The following EYS variants were observed in gnomAD, a reference collection of about 807,000 sequenced individuals.
The protein encoded by EYS is protein eyes shut homolog.
A neutral mutation model predicts 282.1 loss-of-function variants in EYS; 250 were observed. That is an observed-to-expected ratio of 0.89 (90% CI 0.80 to 0.98). The LOEUF (loss-of-function observed/expected upper bound fraction) is 0.98. Ranked by LOEUF, EYS falls within the 50% of genes least tolerant of loss-of-function variation. The pLI is 0.00. For missense variants in EYS, 4,016 were observed against 3,709.0 expected, an observed-to-expected ratio of 1.08 and a Z score of -2.15; for synonymous variants, 1,355 against 1,282.9, an observed-to-expected ratio of 1.06 and a Z score of -1.20.
At chr6:64,876,430 T>C (rs189957300) in intron 19 of EYS, among the ~76,000 whole-genome samples, 213 of 152,262 alleles carry the variant, frequency 1.4e-3, no homozygotes, top group African/African-American at 4.9e-3. Context: ...TTAAATTGTA[T>C]ACAATTAAAA....
chr6:64,813,739 G>GT (rs978076916), intron 21 of EYS, among the ~76,000 whole-genome samples, 162 bp from the exon 22 acceptor site: 105 of 151,998 alleles, frequency 6.9e-4, no homozygotes, highest in African/African-American at 2.5e-3. Context: ...ACAGTAAGCG[G>GT]TTTTTTACCT....
intron 36 of EYS, among the ~76,000 whole-genome samples, chr6:63,833,887 G>T (rs1355490299): frequency 6.6e-6 from 1 of 152,108 alleles, no homozygotes; most frequent in Non-Finnish European, 1.5e-5. Flanking sequence ...ACAGAACAGA[G>T]CCCTCGGAAA....
chr6:65,074,095 A>G (rs946179120), intron 12 of EYS, among the ~76,000 whole-genome samples: 3 of 152,034 alleles, frequency 2.0e-5, no homozygotes, highest in Admixed American at 6.6e-5. Context: ...GATAGTATTT[A>G]TTTTGTGTGG....
At chr6:65,162,911 T>TTGTGTGTGTGTGTG (rs3036015) in intron 12 of EYS, among the ~76,000 whole-genome samples, 7 of 147,288 alleles carry the variant, frequency 4.8e-5, no homozygotes, top group East Asian at 2.0e-4. Flanking sequence ...CCTGTTCTGT[T>TTGTGTGTGTGTGTG]TGTGTGTGTG....
At chr6:65,054,035 A>T (rs964030510) in intron 13 of EYS, among the ~76,000 whole-genome samples, 4 of 152,008 alleles carry the variant, frequency 2.6e-5, no homozygotes, top group Admixed American at 2.0e-4. Flanking sequence ...AATAGAAATT[A>T]TTTGAGCTTT....
chr6:64,077,118 C>A (rs1771800112), intron 32 of EYS, among the ~76,000 whole-genome samples: 1 of 151,938 alleles, frequency 6.6e-6, no homozygotes, highest in Admixed American at 6.6e-5. Context: ...TCCATGTTTG[C>A]AACTTACTCT....
At chr6:63,807,423 T>A (rs948708736) in intron 36 of EYS, among the ~76,000 whole-genome samples, 10 of 152,226 alleles carry the variant, frequency 6.6e-5, no homozygotes, top group Non-Finnish European at 1.3e-4. Flanking sequence ...GAGCTTCTTA[T>A]GTCTGTTTAT....
chr6:64,071,721 T>C (rs1022914958), intron 32 of EYS, among the ~76,000 whole-genome samples: 1 of 148,372 alleles, frequency 6.7e-6, no homozygotes, highest in Non-Finnish European at 1.5e-5. Context: ...ATATACCCTT[T>C]TAAAAATTAT....
intron 13 of EYS, among the ~76,000 whole-genome samples, chr6:65,035,819 G>T (rs1213697878): frequency 6.6e-6 from 1 of 150,476 alleles, no homozygotes; most frequent in Non-Finnish European, 1.5e-5. Flanking sequence ...AATTGCTTTG[G>T]CTATCCAGGC....
chr6:64,451,174 G>T (rs532035357), intron 26 of EYS, among the ~76,000 whole-genome samples: 123 of 152,152 alleles, frequency 8.1e-4, no homozygotes, highest in African/African-American at 2.9e-3. Context: ...TGACAAAGGG[G>T]ATATCACCAC....
chr6:64,259,461 A>G lies in EYS; in HGVS notation c.6192-28637T>C, dbSNP rs1458148473. Among the ~76,000 whole-genome samples the G allele has an allele frequency of 2.6e-5, 4 of 152,038 alleles. No homozygotes were observed. The East Asian group carries it at 7.8e-4, about 29-fold the overall frequency. Reference sequence around the variant, plus strand: ...CCTCTTGCCAGATTCACAACCCAAGAATATCTTTTTCAAGGATTTAAGAGC... The same window carrying G: ...CCTCTTGCCAGATTCACAACCCAAGGATATCTTTTTCAAGGATTTAAGAGC... On this transcript the variant is annotated intron_variant, in intron 30 of 42. Transcript: ENST00000503581.
chr6:64,990,471 T>G (rs1771027149), intron 14 of EYS, among the ~76,000 whole-genome samples: 1 of 151,656 alleles, frequency 6.6e-6, no homozygotes, highest in South Asian at 2.1e-4. Context: ...AGTGCAGTGT[T>G]TGTTTTGAAA....
intron 31 of EYS, among the ~76,000 whole-genome samples, chr6:64,147,164 C>T (rs967829469): frequency 6.6e-6 from 1 of 152,106 alleles, no homozygotes; most frequent in Non-Finnish European, 1.5e-5. Flanking sequence ...TGGTCAAGTA[C>T]TTTGCTATTC....
intron 15 of EYS, among the ~76,000 whole-genome samples, chr6:64,936,788 TA>T (rs1768920236): frequency 6.6e-6 from 1 of 151,414 alleles, no homozygotes; most frequent in Non-Finnish European, 1.5e-5. Flanking sequence ...AAATCTCTAT[TA>T]AAGTTATGGC....
intron 5 of EYS, among the ~76,000 whole-genome samples, chr6:65,446,456 G>A (rs192585962): frequency 6.6e-6 from 1 of 151,904 alleles, no homozygotes; most frequent in Non-Finnish European, 1.5e-5. Flanking sequence ...TTGATTTGAA[G>A]AGGTACAATC....
In EYS at chr6:64,022,291, AAG is replaced by A. The variant is rs1769228282; in HGVS notation, c.6726-23110_6726-23109del. Reference sequence around the variant, plus strand: ...TTTTCATCAAAACCTGAGAATAAATAAGAGGTGGACACACAATATAATATTTT... The same window carrying A: ...TTTTCATCAAAACCTGAGAATAAATAAGGTGGACACACAATATAATATTTT... On this transcript the variant is annotated intron_variant, in intron 33 of 42. Transcript: ENST00000503581. Among the ~76,000 whole-genome samples, 4 of 152,354 alleles carry A rather than the reference AAG, an allele frequency of 2.6e-5. No homozygotes were observed. The South Asian group carries it at 8.3e-4, about 32-fold the overall frequency.
At chr6:64,117,466 A>G (rs141404703) in intron 31 of EYS, among the ~76,000 whole-genome samples, 50 of 151,492 alleles carry the variant, frequency 3.3e-4, no homozygotes, top group Admixed American at 6.5e-4. Flanking sequence ...AGAAAGCTTT[A>G]GCTGGACTAA....
intron 12 of EYS, among the ~76,000 whole-genome samples, chr6:65,214,306 A>ATGATAAGATAG (rs1457609789): frequency 2.6e-5 from 4 of 152,150 alleles, no homozygotes; most frequent in Admixed American, 2.6e-4. Flanking sequence ...GATACAAGGA[A>ATGATAAGATAG]TGATAAGATA....
rs1479702705 is a variant in EYS, at chr6:65,173,204, C to G, written c.2024-115477G>C. 3.3e-5 allele frequency among the ~76,000 whole-genome samples: 5 copies of G among 151,164 alleles called. 1 individual carries two copies. The highest frequency in any genetic ancestry group is 6.3e-3 in the Middle Eastern group (2 of 316). On this transcript the variant is annotated intron_variant, in intron 12 of 42. Coordinates refer to ENST00000503581, the MANE Select transcript of EYS (RefSeq NM_001142800.2). ...CTGTGATAGCCTTACATTTGTTATG[C>G]TATAAAAAATATTAAACTTCAGTGG...
Sources: gnomAD v4.1 joint callset for allele counts (sites outside exome capture counted in the v4.1 genomes callset) on GRCh38, gnomAD v4.1.1 for gene constraint, MANE v1.5 for transcripts, NCBI Gene and HGNC (gene_info 2026-07-23, HGNC 2026-07-21) for gene names.